PGM5: variants seen among roughly 807,000 people sequenced by gnomAD.
PGM5 encodes the protein phosphoglucomutase-like protein 5.
PGM5 carries 23 observed loss-of-function variants against 59.2 expected under a neutral mutation model. The observed-to-expected ratio is 0.39, with a 90% CI of 0.28 to 0.55. The LOEUF is 0.55. PGM5 is among the 20% of genes least tolerant of loss of function. PGM5 has a pLI of 0.66. For synonymous variants in PGM5, 214 were observed against 286.0 expected (o/e 0.75, Z 2.54); for missense variants, 574 against 748.3 (o/e 0.77, Z 2.72).
rs782228716 is a variant in PGM5 at position 68,387,463 on chromosome 9, T to C, written c.572T>C (p.Val191Ala). 3 of 1,609,250 alleles carry C rather than the reference T, an allele frequency of 1.9e-6. No homozygotes were observed. In the African/African-American group the frequency reaches 4.0e-5, roughly 22 times the overall value. ...TTTTCCTTTGTTTTTCTATCTTTAG[T>C]GGAGATAGTGGACCCAGTGGATATC... is the stretch of plus-strand genomic sequence containing the variant. Reference protein sequence around the residue: ...DLENKFKPFRVEIVDPVDIYL... With the variant: ...DLENKFKPFRAEIVDPVDIYL... Residue 191 changes from valine to alanine, a missense_variant and splice_region_variant, in exon 4 of 11, where the codon GTG becomes GCG. Physicochemically the swap from Val to Ala is moderately conservative, Grantham distance 64 (BLOSUM62 0). This residue lies in a region of PGM5 where 103 missense variants were observed against 112.4 expected (regional missense o/e 0.92). Coordinates refer to ENST00000396396, the MANE Select transcript of PGM5 (RefSeq NM_021965.4).
At chr9:68,428,609 T>C (rs1267068808) in intron 6 of PGM5, 2 of 152,184 alleles carry the variant, frequency 1.3e-5, no homozygotes, top group African/African-American at 2.4e-5. Flanking sequence ...GTCAGGAGTA[T>C]GGAAATATAT....
At chr9:68,447,724 A>G (rs989814427) in intron 6 of PGM5, among the ~76,000 whole-genome samples, 48 of 152,180 alleles carry the variant, frequency 3.2e-4, no homozygotes, top group African/African-American at 1.1e-3. Flanking sequence ...ACAATTTTTT[A>G]TAGGCAAAAC....
At chr9:68,427,544 G>C (rs1823259587) in intron 6 of PGM5, among the ~76,000 whole-genome samples, 1 of 152,140 alleles carries the variant, frequency 6.6e-6, no homozygotes, top group East Asian at 1.9e-4. Flanking sequence ...TGCTGGGGAG[G>C]GTGGGGTCTC....
rs528654442 is a variant in PGM5 at position 68,384,200 on chromosome 9, G to C, written c.425-198G>C. Among the ~76,000 whole-genome samples, 918 of 152,028 alleles carry C rather than the reference G, an allele frequency of 6.0e-3. 8 individuals are homozygous for C. Among genetic ancestry groups the C allele is most frequent in the African/African-American group, 0.021 (856 of 41,506 alleles). On this transcript the variant is annotated intron_variant, in intron 2 of 10. Coordinates refer to ENST00000396396, the MANE Select transcript of PGM5 (RefSeq NM_021965.4). ...ATGGGTTGTTAGTCTACATAGAACA[G>C]GTGAGGCTGATCAAATTTCCCCCAT...
chr9:68,495,958 G>A (rs1229578333), intron 9 of PGM5, among the ~76,000 whole-genome samples: 1 of 152,128 alleles, frequency 6.6e-6, no homozygotes, highest in Non-Finnish European at 1.5e-5. Context: ...GATGGTCTCT[G>A]CCACAACTAT....
intron 10 of PGM5, among the ~76,000 whole-genome samples, chr9:68,518,972 T>C (rs566245210): frequency 4.6e-5 from 7 of 152,300 alleles, no homozygotes; most frequent in African/African-American, 1.7e-4. Flanking sequence ...TAAATTCACA[T>C]CTAGACACAT....
rs1554686938 is a variant in PGM5, at chr9:68,479,550, G to T, written c.1292G>T (p.Cys431Phe). Reference protein sequence around the residue: ...HWAKFGRHYYCRFDYEGLDPK... With the variant: ...HWAKFGRHYYFRFDYEGLDPK... ...GCCAAATTTGGCCGCCACTACTATT[G>T]CAGGTGAGGAGAAGGGGAAGGGTCT... The change falls in exon 8 of 11, where the codon TGC (cysteine) becomes TTC (phenylalanine). Residue 431 changes from cysteine (C) to phenylalanine (F), a missense_variant. Transcript: ENST00000396396. 1.9e-6 allele frequency: 3 copies of T among 1,613,846 alleles called. No homozygotes were observed. Among genetic ancestry groups the T allele is most frequent in the Non-Finnish European group, 2.5e-6 (3 of 1,179,930 alleles).
intron 10 of PGM5, among the ~76,000 whole-genome samples, chr9:68,518,701 T>C (rs1471749683): frequency 6.6e-6 from 1 of 152,244 alleles, no homozygotes; most frequent in Non-Finnish European, 1.5e-5. Flanking sequence ...TTCAGTTTAG[T>C]CCTTATGATT....
At chr9:68,392,667 T>C (rs1181193874) in intron 6 of PGM5, among the ~76,000 whole-genome samples, 194 bp downstream of exon 6, 1 of 152,160 alleles carries the variant, frequency 6.6e-6, no homozygotes, top group Non-Finnish European at 1.5e-5. Context: ...TGCCACTTAC[T>C]AGCTGTGGGA....
At chr9:68,463,157 C>T (rs141911179) in intron 6 of PGM5, among the ~76,000 whole-genome samples, 2 of 151,404 alleles carry the variant, frequency 1.3e-5, no homozygotes, top group African/African-American at 2.4e-5. Flanking sequence ...AGGTGTTCAC[C>T]TTCCCATGGC....
chr9:68,477,474 G>A (rs139132421), intron 7 of PGM5, among the ~76,000 whole-genome samples: 154 of 152,252 alleles, frequency 1.0e-3, no homozygotes, highest in African/African-American at 3.6e-3. Flanking sequence ...GTGGCGTTGC[G>A]TCTCCCTTGT....
chr9:68,400,008 G>A (rs567000542), intron 6 of PGM5, among the ~76,000 whole-genome samples: 1 of 152,188 alleles, frequency 6.6e-6, no homozygotes, highest in East Asian at 1.9e-4. Context: ...TTTTTAAATT[G>A]TTATTTCTTC....
chr9:68,412,561 G>A (rs572613883), intron 6 of PGM5, among the ~76,000 whole-genome samples: 11 of 152,236 alleles, frequency 7.2e-5, no homozygotes, highest in Admixed American at 1.3e-4. Flanking sequence ...ATCACCCTTC[G>A]TTGATGGATC....
intron 10 of PGM5, among the ~76,000 whole-genome samples, chr9:68,503,625 C>G (rs1554688808): frequency 6.6e-6 from 1 of 152,180 alleles, no homozygotes; most frequent in African/African-American, 2.4e-5. Flanking sequence ...TAGCTACCAG[C>G]CTGCATCCTC....
Position 68,407,755 on chromosome 9 carries a change from T to C in PGM5, c.1043+15282T>C, listed in dbSNP as rs1346249399. On this transcript the variant is annotated intron_variant, in intron 6 of 10. Transcript: ENST00000396396. ...GTGATTTGTGTGCATATTGTGAGCATTTGTTCATTTTATAACCTGTTTAGT... is the reference window on the plus strand; with the variant it reads ...GTGATTTGTGTGCATATTGTGAGCACTTGTTCATTTTATAACCTGTTTAGT... Among the ~76,000 whole-genome samples, 9 of 152,304 alleles carry C rather than the reference T, an allele frequency of 5.9e-5. 2 individuals are homozygous for C. In the Middle Eastern group the frequency reaches 0.017, roughly 288 times the overall value.
chr9:68,359,993 T>C (rs2261077), intron 1 of PGM5, among the ~76,000 whole-genome samples: 3 of 152,124 alleles, frequency 2.0e-5, no homozygotes, highest in African/African-American at 2.4e-5. Flanking sequence ...TATAGGTGCA[T>C]GCCACTATGC....
chr9:68,513,579 T>A (rs782566679), intron 10 of PGM5, among the ~76,000 whole-genome samples: 4 of 152,244 alleles, frequency 2.6e-5, no homozygotes, highest in African/African-American at 4.8e-5. Context: ...ACATTGCATG[T>A]CCCTGTGAAT....
chr9:68,515,005 G>A (rs1824804431), intron 10 of PGM5, among the ~76,000 whole-genome samples: 1 of 152,190 alleles, frequency 6.6e-6, no homozygotes, highest in African/African-American at 2.4e-5. Flanking sequence ...TACTAGTTGA[G>A]CTGAGAGATT....
intron 2 of PGM5, 93 bp downstream of exon 2, chr9:68,378,454 G>A (rs1182294098): frequency 3.5e-6 from 5 of 1,415,874 alleles, no homozygotes; most frequent in Non-Finnish European, 4.7e-6. Flanking sequence ...AGACAAGCAA[G>A]GTGCAGAGGA....
Sources: allele counts gnomAD v4.1 joint callset (sites outside exome capture counted in the v4.1 genomes callset), GRCh38; gene constraint gnomAD v4.1.1; regional missense constraint gnomAD v4.1.1; transcripts MANE v1.5; gene names NCBI Gene and HGNC (gene_info 2026-07-23, HGNC 2026-07-21).